Variants in SLC24A3 observed in about 807,000 individuals in gnomAD.
SLC24A3 encodes sodium/potassium/calcium exchanger 3.
Under a neutral mutation model 75.8 loss-of-function variants are expected in SLC24A3, and 28 were observed. That is an observed-to-expected ratio of 0.37 (90% confidence interval 0.27 to 0.51). SLC24A3 has a LOEUF of 0.51. Ranked by LOEUF, SLC24A3 falls within the 20% of genes least tolerant of loss-of-function variation. The pLI, the probability that SLC24A3 is intolerant of heterozygous loss-of-function variation, is 0.94. For synonymous variants in SLC24A3, 372 were observed against 334.1 expected, an observed-to-expected ratio of 1.11 and a Z score of -1.24; for missense variants, 663 against 847.8, an observed-to-expected ratio of 0.78 and a Z score of 2.71.
chr20:19,632,431 C>T (rs188442052), intron 6 of SLC24A3, among the ~76,000 whole-genome samples: 2 of 152,246 alleles, frequency 1.3e-5, no homozygotes, highest in Admixed American at 6.5e-5. Flanking sequence ...GACTCGTGGC[C>T]TCTTCCTTGT....
intron 2 of SLC24A3, among the ~76,000 whole-genome samples, chr20:19,310,400 A>G (rs926381494): frequency 5.3e-5 from 8 of 152,254 alleles, no homozygotes; most frequent in Admixed American, 3.9e-4. Context: ...GTGTATGTTC[A>G]GTAAATATTA....
At chr20:19,305,946 T>A (rs6035286) in intron 2 of SLC24A3, among the ~76,000 whole-genome samples, 1,861 of 152,208 alleles carry the variant, frequency 0.012, 37 homozygotes, top group African/African-American at 0.041. Context: ...AAAGACAACC[T>A]ACAGAATGGG....
chr20:19,650,103 C>T (rs2032184479), intron 6 of SLC24A3, among the ~76,000 whole-genome samples: 1 of 152,102 alleles, frequency 6.6e-6, no homozygotes, highest in Non-Finnish European at 1.5e-5. Flanking sequence ...TTTCTAAATT[C>T]CTTCTAGAGT....
intron 1 of SLC24A3, among the ~76,000 whole-genome samples, chr20:19,245,587 C>T (rs1215534324): frequency 1.3e-5 from 2 of 151,898 alleles, no homozygotes; most frequent in African/African-American, 4.8e-5. Flanking sequence ...AACACAAAGG[C>T]ACAAATGGTT....
chr20:19,388,974 T>C (rs1193368790), intron 2 of SLC24A3, among the ~76,000 whole-genome samples: 1 of 152,136 alleles, frequency 6.6e-6, no homozygotes, highest in Non-Finnish European at 1.5e-5. Flanking sequence ...TTTGTAGTGA[T>C]GCGCTTTGAT....
intron 2 of SLC24A3, among the ~76,000 whole-genome samples, chr20:19,494,201 A>G (rs538362965): frequency 1.3e-5 from 2 of 152,230 alleles, no homozygotes; most frequent in Non-Finnish European, 2.9e-5. Flanking sequence ...TTGCCCATCT[A>G]TAGTCCATAC....
intron 6 of SLC24A3, among the ~76,000 whole-genome samples, chr20:19,589,803 A>G (rs896091609): frequency 1.3e-5 from 2 of 152,158 alleles, no homozygotes; most frequent in African/African-American, 4.8e-5. Context: ...TAAGATAGTT[A>G]TCATCCTTCT....
chr20:19,454,231 T>A (rs2122486603), intron 2 of SLC24A3, among the ~76,000 whole-genome samples: 1 of 152,278 alleles, frequency 6.6e-6, no homozygotes, highest in Admixed American at 6.5e-5. Context: ...CAAACTGTCA[T>A]CAGAGTAGCC....
chr20:19,447,185 T>A (rs1302378351), intron 2 of SLC24A3, among the ~76,000 whole-genome samples: 1 of 152,188 alleles, frequency 6.6e-6, no homozygotes, highest in African/African-American at 2.4e-5. Context: ...AATCTGGGAA[T>A]ACTTACCTAG....
chr20:19,547,136 G>A (rs2030613652), intron 3 of SLC24A3, among the ~76,000 whole-genome samples: 1 of 152,266 alleles, frequency 6.6e-6, no homozygotes. Context: ...TATTTGATTA[G>A]CATCTTTCTT....
intron 2 of SLC24A3, among the ~76,000 whole-genome samples, chr20:19,461,529 C>CTTTTTTTTTTTTTTT (rs11468628): frequency 6.1e-4 from 62 of 101,414 alleles, no homozygotes; most frequent in East Asian, 8.4e-4. Flanking sequence ...TCTTTTTTTT[C>CTTTTTTTTTTTTTTT]TTTTTTTTTT....
chr20:19,365,559 AT>A (rs925951487), intron 2 of SLC24A3, among the ~76,000 whole-genome samples: 2 of 151,678 alleles, frequency 1.3e-5, no homozygotes, highest in African/African-American at 2.4e-5. Flanking sequence ...GCACTAGGGG[AT>A]TTTTTTTTGA....
chr20:19,380,732 T>C (rs768576681), intron 2 of SLC24A3, among the ~76,000 whole-genome samples: 2 of 152,198 alleles, frequency 1.3e-5, no homozygotes, highest in Non-Finnish European at 2.9e-5. Flanking sequence ...GGGTACCATA[T>C]GCCAGCAGCA....
At position 19,245,467 on chromosome 20, in the gene SLC24A3, T is replaced by G. The variant is rs373241495; in HGVS notation, c.142+32483T>G. On this transcript the variant is annotated intron_variant, in intron 1 of 16. Coordinates refer to ENST00000328041, the MANE Select transcript of SLC24A3 (RefSeq NM_020689.4). ...GTTGGCGGTCAGAATTATGACATTT[T>G]AAGTCCCTGTATTTTTGAAGAAGAC... Among the ~76,000 whole-genome samples the G allele has an allele frequency of 4.3e-4, 66 of 152,228 alleles. 2 individuals are homozygous for G. In the South Asian group the frequency reaches 0.014, roughly 32 times the overall value.
chr20:19,230,194 C>G (rs1356352575), intron 1 of SLC24A3, among the ~76,000 whole-genome samples: 1 of 152,078 alleles, frequency 6.6e-6, no homozygotes, highest in Non-Finnish European at 1.5e-5. Context: ...CCTCCTGTCC[C>G]TTCAGCGCCC....
In SLC24A3 at chr20:19,580,005, A is replaced by G; in HGVS notation, c.354A>G (p.Ile118Met). Residue 118 changes from isoleucine (I) to methionine (M), a missense_variant, in exon 4 of 17, where the codon ATA becomes ATG. Coordinates refer to ENST00000328041, the MANE Select transcript of SLC24A3 (RefSeq NM_020689.4). ...TTTTATCTCCTCTCTTCCAGGCCAT[A>G]TACATGTTCTATGCGCTGGCCATTG... ...GAVVLHVLCA[I>M]YMFYALAIVC... The G allele has an allele frequency of 2.5e-6, 4 of 1,612,794 alleles. No homozygotes were observed. The highest frequency in any genetic ancestry group is 3.4e-6 in the Non-Finnish European group (4 of 1,178,822).
In SLC24A3 at chr20:19,371,477, T is replaced by C. The variant is rs186784742; in HGVS notation, c.271+90390T>C. On this transcript the variant is annotated intron_variant, in intron 2 of 16. Coordinates refer to ENST00000328041, the MANE Select transcript of SLC24A3 (RefSeq NM_020689.4). ...TATGGACAAGACCCCAAGCCTGGCCTTGGACTAGGATCACACTGCCTGGGA... is the reference window on the plus strand; with the variant it reads ...TATGGACAAGACCCCAAGCCTGGCCCTGGACTAGGATCACACTGCCTGGGA... Among the ~76,000 whole-genome samples, 114 of 152,290 alleles carry C rather than the reference T, an allele frequency of 7.5e-4. 1 individual carries two copies. Among genetic ancestry groups the C allele is most frequent in the African/African-American group, 2.2e-3 (91 of 41,566 alleles).
chr20:19,347,291 T>C (rs1400431098), intron 2 of SLC24A3, among the ~76,000 whole-genome samples: 1 of 152,176 alleles, frequency 6.6e-6, no homozygotes, highest in Non-Finnish European at 1.5e-5. Context: ...TATGATACTG[T>C]AATGATGGAT....
At chr20:19,521,423 G>A (rs1419559271) in intron 3 of SLC24A3, among the ~76,000 whole-genome samples, 1 of 152,182 alleles carries the variant, frequency 6.6e-6, no homozygotes, top group Non-Finnish European at 1.5e-5. Flanking sequence ...GGTTTCCATA[G>A]GAGGCCTGGA....
Sources: gnomAD v4.1 joint callset for allele counts (sites outside exome capture counted in the v4.1 genomes callset) on GRCh38, gnomAD v4.1.1 for gene constraint, MANE v1.5 for transcripts, NCBI Gene and HGNC (gene_info 2026-07-23, HGNC 2026-07-21) for gene names.